KIF6: variants seen among roughly 807,000 people sequenced by gnomAD.
The protein encoded by KIF6 is kinesin family member 6.
Under a neutral mutation model 112.7 loss-of-function variants are expected in KIF6, and 106 were observed. The ratio of observed to expected loss-of-function variants is 0.94; its 90% CI spans 0.80 to 1.11. The LOEUF (loss-of-function observed/expected upper bound fraction) is 1.11. KIF6 is among the 50% of genes least tolerant of loss of function. The pLI is 0.00. For missense variants in KIF6, 929 were observed against 964.0 expected (o/e 0.96, Z 0.48); for synonymous variants, 339 against 339.9 (o/e 1.00, Z 0.03).
Position 39,613,255 on chromosome 6 carries a change from C to A in KIF6, c.573G>T (p.Gln191His). ...NIHLKNLTLH[Q>H]ATTEEEALNL... is the part of the protein sequence containing the mutation. ...TCAGAGCTTCTTCCTCTGTGGTTGC[C>A]TGATGGAGAGTCAAGTTTTTCAGGT... The change falls in exon 6 of 23, where the codon CAG (glutamine) becomes CAT (histidine). Residue 191 changes from glutamine to histidine, a missense_variant. Gln to His is a conservative substitution (Grantham distance 24). Coordinates refer to ENST00000287152, the MANE Select transcript of KIF6 (RefSeq NM_145027.6). 1 of 1,606,838 alleles carries A rather than the reference C, an allele frequency of 6.2e-7. No individual in the cohort carries two copies. The highest frequency in any genetic ancestry group is 8.5e-7 in the Non-Finnish European group (1 of 1,176,544).
intron 7 of KIF6, among the ~76,000 whole-genome samples, chr6:39,589,624 T>G (rs564193196): frequency 6.6e-6 from 1 of 152,094 alleles, no homozygotes; most frequent in East Asian, 1.9e-4. Context: ...CTATGTGGGG[T>G]TTGGAGGTGA....
intron 13 of KIF6, among the ~76,000 whole-genome samples, chr6:39,486,898 T>A (rs918000331): frequency 1.3e-5 from 2 of 152,142 alleles, no homozygotes; most frequent in Non-Finnish European, 2.9e-5. Flanking sequence ...AGAATGAAAA[T>A]CTATATCTGC....
rs1173988388 is a variant in KIF6 at position 39,378,707 on chromosome 6, G to A, written c.1861+6915C>T. On this transcript the variant is annotated intron_variant, in intron 16 of 22. Coordinates refer to ENST00000287152, the MANE Select transcript of KIF6 (RefSeq NM_145027.6). The surrounding 1 kb of genome is among the most constrained non-coding windows in gnomAD (Gnocchi z 5.0). Reference sequence around the variant, plus strand: ...TTCACATGCTGCTTGGTAGTGTGATGTATCTTTTAAATTTTAACCACAGGC... The same window carrying A: ...TTCACATGCTGCTTGGTAGTGTGATATATCTTTTAAATTTTAACCACAGGC... 6.6e-6 allele frequency among the ~76,000 whole-genome samples: 1 copy of A among 152,156 alleles called. No homozygotes were observed. The highest frequency in any genetic ancestry group is 1.5e-5 in the Non-Finnish European group (1 of 68,040).
At chr6:39,391,453 A>G (rs903725076) in intron 15 of KIF6, among the ~76,000 whole-genome samples, 2 of 152,052 alleles carry the variant, frequency 1.3e-5, no homozygotes, top group Non-Finnish European at 2.9e-5. Flanking sequence ...AAACGTACAA[A>G]CTCAGCCCCT....
intron 6 of KIF6, among the ~76,000 whole-genome samples, chr6:39,596,518 T>C (rs1782278496): frequency 6.6e-6 from 1 of 152,194 alleles, no homozygotes; most frequent in South Asian, 2.1e-4. Context: ...TCAAGTCCTC[T>C]TGCCAATATA....
chr6:39,698,751 T>C (rs1420013846), intron 3 of KIF6, among the ~76,000 whole-genome samples: 1 of 152,216 alleles, frequency 6.6e-6, no homozygotes, highest in African/African-American at 2.4e-5. Flanking sequence ...GTTTTAGCTT[T>C]TATAACAAAG....
intron 3 of KIF6, among the ~76,000 whole-genome samples, chr6:39,645,333 A>C (rs113059967): frequency 0.02 from 3,019 of 152,270 alleles, 53 homozygotes; most frequent in Non-Finnish European, 0.029. Flanking sequence ...CTAGAAAAAA[A>C]TACAAGTCAT....
At chr6:39,667,051 G>GTC (rs1273136887) in intron 3 of KIF6, among the ~76,000 whole-genome samples, 7 of 152,130 alleles carry the variant, frequency 4.6e-5, no homozygotes, top group African/African-American at 7.2e-5. Context: ...TCACTGTGTT[G>GTC]TAAGAAATAG....
chr6:39,338,689 G>A (rs1202205184), intron 22 of KIF6, among the ~76,000 whole-genome samples: 1 of 152,198 alleles, frequency 6.6e-6, no homozygotes, highest in African/African-American at 2.4e-5. Flanking sequence ...GTGGGTCCAG[G>A]TGATTCTGAG....
At chr6:39,547,479 T>G (rs1779127542) in intron 10 of KIF6, among the ~76,000 whole-genome samples, 1 of 152,184 alleles carries the variant, frequency 6.6e-6, no homozygotes, top group Non-Finnish European at 1.5e-5. Flanking sequence ...AAACACATGT[T>G]TATGAACAAA....
In KIF6 at chr6:39,714,910, T is replaced by C. The variant is rs1789744251; in HGVS notation, c.177-144A>G. On this transcript the variant is annotated intron_variant, in intron 2 of 22. Transcript: ENST00000287152. ...CTAACTTAGCACAATGTTTGCCCTGTAGTCTCAACCACACTGTGCTGTTGT... is the reference window on the plus strand; with the variant it reads ...CTAACTTAGCACAATGTTTGCCCTGCAGTCTCAACCACACTGTGCTGTTGT... 8.0e-6 allele frequency: 5 copies of C among 628,398 alleles called. No individual in the cohort carries two copies. The South Asian group carries it at 9.7e-5, about 12-fold the overall frequency. The allele number at this position is 628,398 out of a possible 1,614,324, so 38.9% of individuals were successfully genotyped here. A position where few individuals can be genotyped will look rare whatever the true frequency, so the allele number is the denominator to read the frequency against.
intron 9 of KIF6, 132 bp from the exon 10 acceptor site, chr6:39,578,291 C>T: frequency 3.4e-6 from 2 of 596,764 alleles, no homozygotes; most frequent in South Asian, 2.3e-5. Flanking sequence ...AAAAAGCCAG[C>T]TTTGTTAAAT....
At chr6:39,718,737 GAAAA>G (rs752779166) in intron 2 of KIF6, among the ~76,000 whole-genome samples, 3 of 86,188 alleles carry the variant, frequency 3.5e-5, no homozygotes, top group Admixed American at 1.3e-4. Flanking sequence ...ACCTGTCTTA[GAAAA>G]AAAAAAAAAA....
intron 12 of KIF6, among the ~76,000 whole-genome samples, chr6:39,541,169 T>C (rs891402301): frequency 6.6e-5 from 10 of 152,328 alleles, no homozygotes; most frequent in East Asian, 5.8e-4. Flanking sequence ...AGAGCACTGC[T>C]ACTTAGAAAG....
chr6:39,532,810 T>C (rs1288927857), intron 13 of KIF6, among the ~76,000 whole-genome samples: 2 of 152,200 alleles, frequency 1.3e-5, no homozygotes, highest in Non-Finnish European at 2.9e-5. Flanking sequence ...AAACATTTCA[T>C]CTTAGGTTGC....
intron 3 of KIF6, among the ~76,000 whole-genome samples, chr6:39,663,632 A>G (rs775814888): frequency 6.6e-6 from 1 of 152,200 alleles, no homozygotes; most frequent in Non-Finnish European, 1.5e-5. Flanking sequence ...ATCAAACTGG[A>G]GAGAACGGAG....
intron 13 of KIF6, among the ~76,000 whole-genome samples, chr6:39,445,184 G>A (rs1436557236): frequency 1.3e-5 from 2 of 152,196 alleles, no homozygotes; most frequent in Non-Finnish European, 2.9e-5. Flanking sequence ...ACTTGAAATG[G>A]TGATTGGATT....
chr6:39,701,119 G>A (rs1370707225), intron 3 of KIF6, among the ~76,000 whole-genome samples: 1 of 152,164 alleles, frequency 6.6e-6, no homozygotes. Context: ...ATGTTTTATT[G>A]CGATGTTAAC....
intron 19 of KIF6, among the ~76,000 whole-genome samples, chr6:39,349,561 G>A (rs1180804244): frequency 6.6e-6 from 1 of 151,876 alleles, no homozygotes; most frequent in Non-Finnish European, 1.5e-5. Context: ...AGAGGGCAGG[G>A]GGAGCAGTGG....
Sources: allele counts gnomAD v4.1 joint callset (sites outside exome capture counted in the v4.1 genomes callset), GRCh38; gene constraint gnomAD v4.1.1; non-coding constraint Gnocchi (gnomAD v3.1); transcripts MANE v1.5; gene names NCBI Gene and HGNC (gene_info 2026-07-23, HGNC 2026-07-21).